The following FGD5 variants were observed in gnomAD, a reference collection of about 807,000 sequenced individuals.
FGD5 encodes FYVE, RhoGEF and PH domain containing 5.
Under a neutral mutation model 133.4 loss-of-function variants are expected in FGD5, and 28 were observed. The observed-to-expected ratio is 0.21, with a 90% CI of 0.16 to 0.29. The LOEUF (loss-of-function observed/expected upper bound fraction) is 0.29. Ranked by LOEUF, FGD5 falls within the 10% of genes least tolerant of loss-of-function variation. The probability of loss-of-function intolerance (pLI) is 1.00; values close to 1 mark genes in which losing one functional copy is unlikely to be tolerated. For missense variants in FGD5, 1,858 were observed against 1,895.2 expected (o/e 0.98, Z 0.36); for synonymous variants, 810 against 776.5 (o/e 1.04, Z -0.72).
intron 2 of FGD5, among the ~76,000 whole-genome samples, chr3:14,872,552 T>C (rs2037632993): frequency 6.6e-6 from 1 of 152,184 alleles, no homozygotes; most frequent in African/African-American, 2.4e-5. Context: ...GTTTACATAT[T>C]CAGCAAATTA....
intron 1 of FGD5, among the ~76,000 whole-genome samples, chr3:14,851,007 C>T (rs777567301): frequency 5.9e-4 from 89 of 152,058 alleles, no homozygotes; most frequent in Non-Finnish European, 5.9e-4. Context: ...AAAGCCACAG[C>T]GCGTCGTGGT....
chr3:14,878,813 C>T (rs2037771380), intron 2 of FGD5, among the ~76,000 whole-genome samples: 1 of 151,750 alleles, frequency 6.6e-6, no homozygotes, highest in African/African-American at 2.4e-5. Flanking sequence ...ACAACCTCCG[C>T]CTCCTGCCTC....
At chr3:14,905,990 C>T (rs963077262) in intron 9 of FGD5, among the ~76,000 whole-genome samples, 4 of 152,106 alleles carry the variant, frequency 2.6e-5, no homozygotes, top group African/African-American at 9.7e-5. Flanking sequence ...GTCCAGTCGG[C>T]ACCTGATCTG....
At chr3:14,908,492 G>A (rs2125141692) in intron 10 of FGD5, among the ~76,000 whole-genome samples, 1 of 152,098 alleles carries the variant, frequency 6.6e-6, no homozygotes, top group Admixed American at 6.5e-5. Context: ...TGAGCACCAT[G>A]ATCCCAAACG....
At chr3:14,884,707 G>A (rs909765066) in intron 4 of FGD5, among the ~76,000 whole-genome samples, 5 of 152,160 alleles carry the variant, frequency 3.3e-5, no homozygotes, top group Admixed American at 2.6e-4. Context: ...GGCCTCAGCT[G>A]GAAGACTTAA....
intron 2 of FGD5, among the ~76,000 whole-genome samples, chr3:14,866,952 A>G (rs2037507167): frequency 1.3e-5 from 2 of 152,204 alleles, no homozygotes; most frequent in African/African-American, 2.4e-5. Flanking sequence ...GTCTAGGCTC[A>G]TCTTTCCAGC....
chr3:14,896,420 A>G (rs1335370206), intron 4 of FGD5, among the ~76,000 whole-genome samples: 3 of 152,208 alleles, frequency 2.0e-5, no homozygotes, highest in Non-Finnish European at 4.4e-5. Context: ...TCAGCATAGT[A>G]CTTGCATTAA....
intron 4 of FGD5, among the ~76,000 whole-genome samples, chr3:14,892,150 C>T (rs1407000085): frequency 6.6e-6 from 1 of 152,030 alleles, no homozygotes. Flanking sequence ...TCCATCCTCT[C>T]TCTCAGGCAC....
intron 4 of FGD5, among the ~76,000 whole-genome samples, chr3:14,888,628 T>A (rs1187297327): frequency 1.3e-5 from 2 of 152,272 alleles, no homozygotes; most frequent in Non-Finnish European, 2.9e-5. Flanking sequence ...TTTCTGAGAT[T>A]AGAGTAGCGC....
intron 4 of FGD5, among the ~76,000 whole-genome samples, chr3:14,892,694 C>T (rs2125128238): frequency 6.6e-6 from 1 of 152,198 alleles, no homozygotes; most frequent in Non-Finnish European, 1.5e-5. Flanking sequence ...CAGCAGGTGC[C>T]TGTAATCTCA....
chr3:14,911,511 C>T (rs1235697756), intron 11 of FGD5, among the ~76,000 whole-genome samples: 1 of 152,056 alleles, frequency 6.6e-6, no homozygotes, highest in Non-Finnish European at 1.5e-5. Context: ...TCCTGCATTT[C>T]TGCTTTCATT....
intron 1 of FGD5, among the ~76,000 whole-genome samples, chr3:14,840,620 A>G (rs2036903883): frequency 2.0e-5 from 3 of 152,230 alleles, no homozygotes; most frequent in African/African-American, 7.2e-5. Flanking sequence ...TCCAATATCC[A>G]GTCACCTATT....
chr3:14,909,909 G>A (rs2038415156), intron 10 of FGD5, among the ~76,000 whole-genome samples: 1 of 151,682 alleles, frequency 6.6e-6, no homozygotes, highest in African/African-American at 2.4e-5. Context: ...GGGACTACAG[G>A]CACGCACCAC....
chr3:14,887,589 T>G (rs2037948313), intron 4 of FGD5, among the ~76,000 whole-genome samples: 1 of 151,978 alleles, frequency 6.6e-6, no homozygotes, highest in Admixed American at 6.6e-5. Context: ...CCTGAGCACC[T>G]GGTCTGGGTG....
chr3:14,876,886 G>C (rs60423286), intron 2 of FGD5, among the ~76,000 whole-genome samples: 1 of 152,208 alleles, frequency 6.6e-6, no homozygotes. Flanking sequence ...GTGACCCGCT[G>C]TCTAACACTG....
chr3:14,928,862 T>C (rs1407801451), intron 18 of FGD5, among the ~76,000 whole-genome samples: 1 of 152,234 alleles, frequency 6.6e-6, no homozygotes, highest in African/African-American at 2.4e-5. Flanking sequence ...CTATACCTTT[T>C]ACTTTTTGAT....
At chr3:14,812,539 G>A (rs56267349) in intron 1 of FGD5, among the ~76,000 whole-genome samples, 7,088 of 152,184 alleles carry the variant, frequency 0.047, 552 homozygotes, top group African/African-American at 0.16. Flanking sequence ...AGCCGTTGTC[G>A]CTCTTGGGTT....
chr3:14,880,881 C>T, intron 4 of FGD5, 109 bp downstream of exon 4: 2 of 1,416,536 alleles, frequency 1.4e-6, no homozygotes, highest in East Asian at 2.5e-5. Context: ...TAACAGAGGC[C>T]TGGCAGCAGG....
intron 1 of FGD5, among the ~76,000 whole-genome samples, chr3:14,830,463 A>ATT (rs34745966): frequency 3.3e-5 from 5 of 151,776 alleles, no homozygotes; most frequent in Admixed American, 6.6e-5. Context: ...ACCCCCAACT[A>ATT]TTTTTTTTAC....
Sources: gnomAD v4.1 joint callset for allele counts (sites outside exome capture counted in the v4.1 genomes callset) on GRCh38, gnomAD v4.1.1 for gene constraint, MANE v1.5 for transcripts, NCBI Gene and HGNC (gene_info 2026-07-23, HGNC 2026-07-21) for gene names.